Variants in PTPRD observed in about 807,000 individuals in gnomAD.
PTPRD encodes the protein protein tyrosine phosphatase receptor type D.
PTPRD carries 34 observed loss-of-function variants against 214.5 expected under a neutral mutation model. The ratio of observed to expected loss-of-function variants is 0.16; its 90% CI spans 0.12 to 0.21. The LOEUF is 0.21. PTPRD is among the 10% of genes least tolerant of loss of function. The pLI, the probability that PTPRD is intolerant of heterozygous loss-of-function variation, is 1.00. For synonymous variants in PTPRD, 1,128 were observed against 845.7 expected (o/e 1.33, Z -5.79); for missense variants, 2,545 against 2,398.7 (o/e 1.06, Z -1.27).
intron 9 of PTPRD, among the ~76,000 whole-genome samples, chr9:9,258,454 T>C (rs186980395): frequency 6.6e-6 from 1 of 152,006 alleles, no homozygotes; most frequent in East Asian, 2.0e-4. Context: ...ACAACAGCCA[T>C]TGAGGATGCG....
At chr9:8,931,444 G>A (rs1173197880) in intron 11 of PTPRD, among the ~76,000 whole-genome samples, 2 of 152,122 alleles carry the variant, frequency 1.3e-5, no homozygotes, top group Non-Finnish European at 2.9e-5. Flanking sequence ...TGGTAATGCG[G>A]GCTCTTTTTT....
intron 12 of PTPRD, among the ~76,000 whole-genome samples, chr9:8,720,775 T>C (rs1009825625): frequency 6.6e-6 from 1 of 152,060 alleles, no homozygotes; most frequent in African/African-American, 2.4e-5. Context: ...GACTGTGACA[T>C]AACTTTCCTC....
chr9:9,461,100 A>T (rs1299304027), intron 8 of PTPRD, among the ~76,000 whole-genome samples: 4 of 152,066 alleles, frequency 2.6e-5, no homozygotes, highest in African/African-American at 9.7e-5. Context: ...ATTCTCACTT[A>T]TAAGTGGGAG....
intron 9 of PTPRD, among the ~76,000 whole-genome samples, chr9:9,233,594 C>A (rs568555066): frequency 2.6e-5 from 4 of 152,184 alleles, no homozygotes; most frequent in Admixed American, 6.5e-5. Flanking sequence ...GTCTCTTCTG[C>A]CTATTAGCCT....
At chr9:8,737,773 C>T (rs1565683084) in intron 11 of PTPRD, among the ~76,000 whole-genome samples, 2 of 152,162 alleles carry the variant, frequency 1.3e-5, no homozygotes, top group Non-Finnish European at 2.9e-5. Context: ...GCCTCAGCCT[C>T]CTGAGTGGCT....
chr9:9,150,651 G>C (rs1172810750), intron 10 of PTPRD, among the ~76,000 whole-genome samples: 3 of 151,700 alleles, frequency 2.0e-5, no homozygotes, highest in Admixed American at 1.3e-4. Context: ...GCTAATTTTT[G>C]TATTTTCAGT....
At chr9:8,470,192 A>C (rs73426320) in intron 31 of PTPRD, among the ~76,000 whole-genome samples, 2,605 of 152,242 alleles carry the variant, frequency 0.017, 88 homozygotes, top group African/African-American at 0.059. Context: ...TCTGTATTTT[A>C]AAATGTGAAT....
intron 2 of PTPRD, among the ~76,000 whole-genome samples, chr9:10,585,704 T>C (rs1008800381): frequency 9.7e-6 from 1 of 103,054 alleles, no homozygotes; most frequent in Non-Finnish European, 1.9e-5. Flanking sequence ...AGAAATAGTA[T>C]ACATACACAC....
intron 2 of PTPRD, among the ~76,000 whole-genome samples, chr9:10,559,481 T>C (rs1017881297): frequency 1.3e-5 from 2 of 152,094 alleles, no homozygotes; most frequent in Admixed American, 6.6e-5. Flanking sequence ...TCTCTCATAG[T>C]CCCAACACTG....
intron 4 of PTPRD, among the ~76,000 whole-genome samples, chr9:10,012,117 ATATT>A (rs1215857987): frequency 3.3e-5 from 5 of 151,980 alleles, no homozygotes; most frequent in Non-Finnish European, 5.9e-5. Flanking sequence ...ATGATTTTTA[ATATT>A]TATTTAATTA....
intron 7 of PTPRD, among the ~76,000 whole-genome samples, chr9:9,690,902 C>T (rs1230997799): frequency 1.3e-5 from 2 of 151,728 alleles, no homozygotes; most frequent in Non-Finnish European, 2.9e-5. Context: ...CATGTGATGA[C>T]TTTAGTTTGT....
chr9:10,118,200 C>A (rs1251612533), intron 3 of PTPRD, among the ~76,000 whole-genome samples: 1 of 99,764 alleles, frequency 1.0e-5, no homozygotes, highest in Non-Finnish European at 2.0e-5. Flanking sequence ...CATTTATTAT[C>A]TATCTATCTA....
chr9:9,828,508 T>C (rs117102060), intron 5 of PTPRD, among the ~76,000 whole-genome samples: 39,487 of 151,766 alleles, frequency 0.26, 6,766 homozygotes, highest in Middle Eastern at 0.42. Context: ...TTGTGAGGTG[T>C]GGGGAGAGGG....
chr9:9,865,171 T>C (rs959668932), intron 5 of PTPRD, among the ~76,000 whole-genome samples: 2 of 152,216 alleles, frequency 1.3e-5, no homozygotes, highest in Non-Finnish European at 2.9e-5. Context: ...AACATATTCC[T>C]ATTTCAGGGC....
At chr9:9,468,191 G>C (rs2094348453) in intron 8 of PTPRD, among the ~76,000 whole-genome samples, 1 of 151,186 alleles carries the variant, frequency 6.6e-6, no homozygotes, top group Non-Finnish European at 1.5e-5. Context: ...TATTGATTCA[G>C]TTTTTTTATC....
intron 11 of PTPRD, among the ~76,000 whole-genome samples, chr9:8,821,445 C>T (rs922834108): frequency 6.6e-6 from 1 of 152,194 alleles, no homozygotes; most frequent in East Asian, 1.9e-4. Flanking sequence ...GTAACTTCTA[C>T]TGCGGTTTGT....
chr9:9,137,236 G>A (rs1029847554), intron 10 of PTPRD, among the ~76,000 whole-genome samples: 1 of 152,030 alleles, frequency 6.6e-6, no homozygotes, highest in Non-Finnish European at 1.5e-5. Context: ...TATTTTTATT[G>A]TTTCAATAAT....
intron 3 of PTPRD, among the ~76,000 whole-genome samples, chr9:10,245,428 A>G (rs1256405040): frequency 6.6e-6 from 1 of 152,184 alleles, no homozygotes; most frequent in Non-Finnish European, 1.5e-5. Flanking sequence ...AGTATTTTCA[A>G]CAAAATGACT....
Position 8,486,039 on chromosome 9 carries a change from G to T in PTPRD, c.2778C>A (p.His926Gln). 2 of 1,614,192 alleles carry T rather than the reference G, an allele frequency of 1.2e-6. No homozygotes were observed. Among genetic ancestry groups the T allele is most frequent in the Non-Finnish European group, 1.7e-6 (2 of 1,180,024 alleles). Residue 926 changes from histidine to glutamine, a missense_variant, in exon 28 of 46, where the codon CAC becomes CAA. Transcript: ENST00000381196. ...EVPTGFPQNLHSEGTTSTSVQ... is the reference protein window; with the variant it reads ...EVPTGFPQNLQSEGTTSTSVQ... ...CGGAGGTTGAAGTGGTGCCTTCTGA[G>T]TGAAGGTTTTGAGGGAATCCAGTTG...
Sources: allele counts gnomAD v4.1 joint callset (sites outside exome capture counted in the v4.1 genomes callset), GRCh38; gene constraint gnomAD v4.1.1; transcripts MANE v1.5; gene names NCBI Gene and HGNC (gene_info 2026-07-23, HGNC 2026-07-21).